Variants in SGK3 observed in about 807,000 individuals in gnomAD.
SGK3 encodes serine/threonine-protein kinase Sgk3.
SGK3 carries 47 observed loss-of-function variants against 68.5 expected under a neutral mutation model. The ratio of observed to expected loss-of-function variants is 0.69; its 90% CI spans 0.54 to 0.87. SGK3 has a LOEUF of 0.87. Ranked by LOEUF, SGK3 falls within the 40% of genes least tolerant of loss-of-function variation. The pLI is 0.00. For synonymous variants in SGK3, 181 were observed against 189.1 expected, an observed-to-expected ratio of 0.96 and a Z score of 0.35; for missense variants, 479 against 575.5, an observed-to-expected ratio of 0.83 and a Z score of 1.72.
At chr8:66,841,859 A>G (rs1047094035) in intron 13 of SGK3, among the ~76,000 whole-genome samples, 4 of 152,198 alleles carry the variant, frequency 2.6e-5, no homozygotes, top group African/African-American at 9.6e-5. Context: ...TAAAAGCTTT[A>G]TTATTCATAC....
At chr8:66,793,984 T>G in intron 2 of SGK3, 152 bp downstream of exon 2, 2 of 808,292 alleles carry the variant, frequency 2.5e-6, no homozygotes, top group South Asian at 3.8e-5. Flanking sequence ...CACAAAGTCT[T>G]CTGTGGCTAC....
At chr8:66,720,198 G>A (rs904003795) in intron 1 of SGK3, among the ~76,000 whole-genome samples, 4 of 152,148 alleles carry the variant, frequency 2.6e-5, no homozygotes, top group Non-Finnish European at 4.4e-5. Flanking sequence ...GTCAATATTC[G>A]TATTATAAGT....
chr8:66,833,927 A>T (rs1447183812), intron 8 of SGK3, among the ~76,000 whole-genome samples: 1 of 151,808 alleles, frequency 6.6e-6, no homozygotes, highest in African/African-American at 2.4e-5. Flanking sequence ...CCGACGTCAG[A>T]TGATCCACCC....
At chr8:66,730,934 G>A (rs558534858) in intron 1 of SGK3, among the ~76,000 whole-genome samples, 5 of 151,940 alleles carry the variant, frequency 3.3e-5, no homozygotes, top group East Asian at 1.9e-4. Context: ...TGATCTGCCC[G>A]CCCCAGTCTC....
At position 66,779,589 on chromosome 8, in the gene SGK3, T is replaced by G. The variant is rs111699873; in HGVS notation, c.-121-14027T>G. On this transcript the variant is annotated intron_variant, in intron 1 of 16. Coordinates refer to ENST00000521198, the MANE Select transcript of SGK3 (RefSeq NM_001033578.3). ...ATATATATATATATATATATATATATATATATATATATAAAACACATTTTT... is the reference window on the plus strand; with the variant it reads ...ATATATATATATATATATATATATAGATATATATATATAAAACACATTTTT... Among the ~76,000 whole-genome samples the G allele has an allele frequency of 3.5e-3, 454 of 127,988 alleles. 3 individuals carry two copies. Among genetic ancestry groups the G allele is most frequent in the African/African-American group, 0.014 (423 of 30,040 alleles). The allele number at this position is 127,988 out of a possible 152,430, so 84.0% of individuals were successfully genotyped here. A position where few individuals can be genotyped will look rare whatever the true frequency, so the allele number is the denominator to read the frequency against.
At chr8:66,748,870 A>G (rs55893527) in intron 1 of SGK3, among the ~76,000 whole-genome samples, 20,033 of 152,080 alleles carry the variant, frequency 0.13, 2,501 homozygotes, top group African/African-American at 0.33. Context: ...TATTTCCTGT[A>G]AAATTCTCAC....
chr8:66,796,257 C>T (rs1215144324), intron 2 of SGK3, among the ~76,000 whole-genome samples: 3 of 151,292 alleles, frequency 2.0e-5, no homozygotes, highest in African/African-American at 7.3e-5. Flanking sequence ...CTGCCTCAGC[C>T]TCCCAAGTAG....
Position 66,850,864 on chromosome 8 carries a change from C to G in SGK3, c.1264C>G (p.Leu422Val). Residue 422 changes from leucine (L) to valine (V), a missense_variant, in exon 16 of 17, where the codon CTC (leucine) becomes GTC (valine). Leu to Val is a conservative substitution (Grantham distance 32, BLOSUM62 1). Transcript: ENST00000521198. ...EIQNHPFFES[L>V]SWADLVQKKI... is the part of the protein sequence containing the mutation. ...TCAGAATCATCCTTTTTTTGAATCA[C>G]TCAGCTGGGCTGACCTTGTACAAAA... 6.2e-7 allele frequency: 1 copy of G among 1,610,578 alleles called. No homozygotes were observed. The highest frequency in any genetic ancestry group is 8.5e-7 in the Non-Finnish European group (1 of 1,178,310).
At chr8:66,768,015 T>C in intron 1 of SGK3, 2 of 739,402 alleles carry the variant, frequency 2.7e-6, no homozygotes, top group Non-Finnish European at 4.9e-6. Flanking sequence ...TTCTGGATTA[T>C]TGCCGCTCTC....
chr8:66,767,254 C>T, intron 1 of SGK3: 1 of 568,272 alleles, frequency 1.8e-6, no homozygotes, highest in Non-Finnish European at 3.1e-6. Context: ...ATTTTATGTC[C>T]TTTGTTCCCT....
chr8:66,792,245 C>T (rs867705246), intron 1 of SGK3, among the ~76,000 whole-genome samples: 1 of 149,402 alleles, frequency 6.7e-6, no homozygotes, highest in African/African-American at 2.5e-5. Flanking sequence ...AGGAGAATTG[C>T]TTGAACCCAA....
At chr8:66,806,275 G>A (rs1246870723) in intron 4 of SGK3, among the ~76,000 whole-genome samples, 2 of 151,790 alleles carry the variant, frequency 1.3e-5, no homozygotes, top group Non-Finnish European at 2.9e-5. Flanking sequence ...TAGATTTTCT[G>A]AAGGTGCAGA....
chr8:66,813,818 A>G, intron 4 of SGK3, 35 bp from the exon 5 acceptor site: 8 of 1,523,206 alleles, frequency 5.3e-6, no homozygotes, highest in Non-Finnish European at 5.3e-6. Context: ...ATAGTCTGAC[A>G]TAAATAATCC....
At chr8:66,851,003 T>C in intron 16 of SGK3, 83 bp downstream of exon 16, 1 of 1,389,224 alleles carries the variant, frequency 7.2e-7, no homozygotes, top group Admixed American at 2.4e-5. Flanking sequence ...GATCTCAGAA[T>C]CACCTGAATT....
intron 1 of SGK3, among the ~76,000 whole-genome samples, chr8:66,738,869 A>G (rs1247067935): frequency 6.6e-6 from 1 of 152,002 alleles, no homozygotes; most frequent in African/African-American, 2.4e-5. Context: ...TGGCCTCGTG[A>G]TCTGCCTGCC....
Position 66,798,645 on chromosome 8 carries a change from A to T in SGK3, c.180+20A>T, listed in dbSNP as rs2130591747. ...AACACTGTAAGTAATCGTCTACAAG[A>T]TTTCTAATTAAAAGAAAGCACCCGA... On this transcript the variant is annotated intron_variant, in intron 3 of 16. Coordinates refer to ENST00000521198, the MANE Select transcript of SGK3 (RefSeq NM_001033578.3). 3 of 1,567,764 alleles carry T rather than the reference A, an allele frequency of 1.9e-6. No individual in the cohort carries two copies. The East Asian group carries it at 6.8e-5, about 35-fold the overall frequency.
intron 1 of SGK3, among the ~76,000 whole-genome samples, chr8:66,763,722 A>G (rs1303788941): frequency 1.3e-5 from 2 of 152,066 alleles, no homozygotes; most frequent in African/African-American, 4.8e-5. Context: ...ATTCATACTG[A>G]TACTTCCAAT....
chr8:66,746,355 A>T (rs1373159205), intron 1 of SGK3, among the ~76,000 whole-genome samples: 2 of 152,146 alleles, frequency 1.3e-5, no homozygotes, highest in Non-Finnish European at 2.9e-5. Flanking sequence ...CTTTTTGCCA[A>T]CATTTCAAAA....
At chr8:66,744,512 TATA>T (rs1311678291) in intron 1 of SGK3, among the ~76,000 whole-genome samples, 113 of 31,478 alleles carry the variant, frequency 3.6e-3, no homozygotes, top group African/African-American at 5.1e-3. Context: ...TATATATATA[TATA>T]TATATTTTTT....
Sources: gnomAD v4.1 joint callset for allele counts (sites outside exome capture counted in the v4.1 genomes callset) on GRCh38, gnomAD v4.1.1 for gene constraint, MANE v1.5 for transcripts, NCBI Gene and HGNC (gene_info 2026-07-23, HGNC 2026-07-21) for gene names.